FAM13A: variants seen among roughly 807,000 people sequenced by gnomAD.
FAM13A encodes protein FAM13A.
Under a neutral mutation model 129.6 loss-of-function variants are expected in FAM13A, and 76 were observed. That is an observed-to-expected ratio of 0.59 (90% CI 0.49 to 0.71). FAM13A has a LOEUF of 0.71. Among genes scored for constraint, FAM13A ranks in the 30% least tolerant of loss-of-function variants. The pLI is 0.00. For missense variants in FAM13A, 1,108 were observed against 1,249.3 expected (o/e 0.89, Z 1.70); for synonymous variants, 443 against 449.9 (o/e 0.98, Z 0.20).
intron 6 of FAM13A, among the ~76,000 whole-genome samples, chr4:88,900,196 T>C (rs915858378): frequency 1.3e-5 from 2 of 152,000 alleles, no homozygotes; most frequent in Non-Finnish European, 1.5e-5. Flanking sequence ...TGGAACCAAG[T>C]TGGAAAACAT....
intron 3 of FAM13A, among the ~76,000 whole-genome samples, chr4:89,004,991 T>C (rs925656301): frequency 6.9e-6 from 1 of 145,086 alleles, no homozygotes; most frequent in Non-Finnish European, 1.5e-5. Flanking sequence ...GTTTTTTTTT[T>C]GGTACAGATT....
At chr4:88,893,638 GAATGAATA>G (rs1486675164) in intron 6 of FAM13A, among the ~76,000 whole-genome samples, 13 of 112,104 alleles carry the variant, frequency 1.2e-4, no homozygotes, top group Admixed American at 3.7e-4. Context: ...ATGAATGAAT[GAATGAATA>G]AATAAATAAA....
chr4:88,743,829 GT>G (rs1470241705), intron 19 of FAM13A, among the ~76,000 whole-genome samples: 1 of 152,180 alleles, frequency 6.6e-6, no homozygotes, highest in Admixed American at 6.5e-5. Context: ...ACACAACTTT[GT>G]GAGAAATTAT....
intron 6 of FAM13A, among the ~76,000 whole-genome samples, chr4:88,886,307 G>A (rs143660136): frequency 3.1e-3 from 478 of 152,328 alleles, no homozygotes; most frequent in Non-Finnish European, 5.5e-3. Context: ...AAATTTTGGT[G>A]GCTGGGTGTG....
At chr4:88,943,171 A>G (rs1755073306) in intron 4 of FAM13A, among the ~76,000 whole-genome samples, 1 of 152,198 alleles carries the variant, frequency 6.6e-6, no homozygotes, top group African/African-American at 2.4e-5. Context: ...TTGAACTTTT[A>G]TTTTTGACAA....
At chr4:89,002,560 T>A (rs940349428) in intron 3 of FAM13A, among the ~76,000 whole-genome samples, 3 of 152,142 alleles carry the variant, frequency 2.0e-5, no homozygotes, top group African/African-American at 7.2e-5. Context: ...GAGAAAAAGA[T>A]CTTCACATAC....
intron 8 of FAM13A, among the ~76,000 whole-genome samples, chr4:88,802,894 C>T (rs1727784848): frequency 6.6e-6 from 1 of 152,172 alleles, no homozygotes; most frequent in Admixed American, 6.5e-5. Context: ...TACCCTCCTT[C>T]CTTTGAGACT....
rs574042524 is a variant in FAM13A, at chr4:88,749,661, A to G, written c.2079+110T>C. On this transcript the variant is annotated intron_variant, in intron 16 of 23. Coordinates refer to ENST00000264344, the MANE Select transcript of FAM13A (RefSeq NM_014883.4). Reference sequence around the variant, plus strand: ...CAGGGTTTACTGCCTTTTTGTTGTAAGATTCCCTAGAAGCCTCCCTTAACC... The same window carrying G: ...CAGGGTTTACTGCCTTTTTGTTGTAGGATTCCCTAGAAGCCTCCCTTAACC... The G allele has an allele frequency of 3.2e-5, 36 of 1,127,854 alleles. No homozygotes were observed. The Admixed American group carries it at 6.4e-4, about 20-fold the overall frequency. The allele number at this position is 1,127,854 out of a possible 1,614,324, so 69.9% of individuals were successfully genotyped here.
intron 3 of FAM13A, among the ~76,000 whole-genome samples, chr4:89,015,602 A>G (rs773846063): frequency 2.0e-5 from 3 of 152,248 alleles, no homozygotes; most frequent in Non-Finnish European, 2.9e-5. Flanking sequence ...TTCCTGATAC[A>G]TCATTTTACT....
chr4:88,728,446 C>T lies in FAM13A; in HGVS notation c.*87G>A. On this transcript the variant is annotated 3_prime_UTR_variant, in exon 24 of 24. Coordinates refer to ENST00000264344, the MANE Select transcript of FAM13A (RefSeq NM_014883.4). ...GGGCTGCATGCTTTGCAGGGCCAGCCCCAAGGCTGCCTTCCAGAGCTGCAC... is the reference window on the plus strand; with the variant it reads ...GGGCTGCATGCTTTGCAGGGCCAGCTCCAAGGCTGCCTTCCAGAGCTGCAC... 6.4e-7 allele frequency: 1 copy of T among 1,562,496 alleles called. No homozygotes were observed. The highest frequency in any genetic ancestry group is 8.8e-7 in the Non-Finnish European group (1 of 1,139,748).
chr4:88,907,796 T>A (rs1392351033), intron 5 of FAM13A, among the ~76,000 whole-genome samples: 1 of 152,244 alleles, frequency 6.6e-6, no homozygotes, highest in Non-Finnish European at 1.5e-5. Flanking sequence ...ATACTTGGCA[T>A]CTAAAACCAC....
intron 6 of FAM13A, among the ~76,000 whole-genome samples, chr4:88,876,741 G>A (rs1333335776): frequency 6.6e-6 from 1 of 152,046 alleles, no homozygotes; most frequent in African/African-American, 2.4e-5. Flanking sequence ...ACAGGTGCCT[G>A]CCACCACGCC....
At chr4:88,844,123 C>G (rs369883294) in intron 7 of FAM13A, among the ~76,000 whole-genome samples, 1 of 152,172 alleles carries the variant, frequency 6.6e-6, no homozygotes, top group Non-Finnish European at 1.5e-5. Flanking sequence ...ATAGCAACTA[C>G]GGCAGCAGCA....
At chr4:88,972,334 C>T (rs545971881) in intron 4 of FAM13A, among the ~76,000 whole-genome samples, 2 of 142,248 alleles carry the variant, frequency 1.4e-5, no homozygotes, top group South Asian at 4.7e-4. Context: ...CAGAGTCTTG[C>T]TCTGTTGCTC....
At position 88,728,521 on chromosome 4, in the gene FAM13A, T is replaced by C; in HGVS notation, c.*12A>G. 1 of 1,614,036 alleles carries C rather than the reference T, an allele frequency of 6.2e-7. No individual in the cohort carries two copies. Among genetic ancestry groups the C allele is most frequent in the Non-Finnish European group, 8.5e-7 (1 of 1,179,984 alleles). The stretch of plus-strand genomic sequence containing the variant: ...ACCGCAGCTGCCAGCCCCCTGTGCT[T>C]GGCCATGCCCCTCACATGGACTTGG... On this transcript the variant is annotated 3_prime_UTR_variant, in exon 24 of 24. Coordinates refer to ENST00000264344, the MANE Select transcript of FAM13A (RefSeq NM_014883.4).
At chr4:88,882,368 A>G (rs1743725035) in intron 6 of FAM13A, among the ~76,000 whole-genome samples, 1 of 152,180 alleles carries the variant, frequency 6.6e-6, no homozygotes, top group South Asian at 2.1e-4. Context: ...AGAATTTTGT[A>G]TCCAGTGAAA....
intron 7 of FAM13A, among the ~76,000 whole-genome samples, chr4:88,820,895 T>C (rs1159108531): frequency 6.6e-6 from 1 of 152,232 alleles, no homozygotes; most frequent in Non-Finnish European, 1.5e-5. Context: ...TTAGCTGCTA[T>C]TTAAAGCTAT....
chr4:89,029,181 C>T (rs1768373694), intron 2 of FAM13A, among the ~76,000 whole-genome samples: 1 of 152,126 alleles, frequency 6.6e-6, no homozygotes, highest in South Asian at 2.1e-4. Context: ...ATTAATATTA[C>T]AACAGTGTAT....
At chr4:88,760,710 A>G (rs1560919347) in intron 13 of FAM13A, among the ~76,000 whole-genome samples, 1 of 151,848 alleles carries the variant, frequency 6.6e-6, no homozygotes, top group Non-Finnish European at 1.5e-5. Context: ...CAGATTAGGC[A>G]TTTATGTCAC....
Sources: allele counts gnomAD v4.1 joint callset (sites outside exome capture counted in the v4.1 genomes callset), GRCh38; gene constraint gnomAD v4.1.1; transcripts MANE v1.5; gene names NCBI Gene and HGNC (gene_info 2026-07-23, HGNC 2026-07-21).